The following DEPDC1B variants were observed in gnomAD, a reference collection of about 807,000 sequenced individuals.
DEPDC1B encodes DEP domain-containing protein 1B.
A neutral mutation model predicts 66.5 loss-of-function variants in DEPDC1B; 51 were observed. That is an observed-to-expected ratio of 0.77 (90% CI 0.61 to 0.97). The LOEUF (loss-of-function observed/expected upper bound fraction) is 0.97, where lower values mean the gene tolerates loss of function less well. Ranked by LOEUF, DEPDC1B falls within the 50% of genes least tolerant of loss-of-function variation. DEPDC1B has a pLI of 0.00. For synonymous variants in DEPDC1B, 226 were observed against 223.6 expected (o/e 1.01, Z -0.10); for missense variants, 552 against 637.1 (o/e 0.87, Z 1.44).
Position 60,597,903 on chromosome 5 carries a change from G to A in DEPDC1B, c.1440C>T (p.Ser480=). 6.3e-7 allele frequency: 1 copy of A among 1,593,490 alleles called. No homozygotes were observed. Among genetic ancestry groups the A allele is most frequent in the Non-Finnish European group, 8.5e-7 (1 of 1,175,038 alleles). Residue 480 remains serine, a synonymous_variant, in exon 11 of 11, where the codon TCC becomes TCT. Coordinates refer to ENST00000265036, the MANE Select transcript of DEPDC1B (RefSeq NM_018369.3). ...KKKKLKQFQK[S]YPEVYQERFP... ...ATCGTTCTTGATAGACTTCAGGATA[G>A]GATTTCTGAAACTAAAAAAATGAAT...
chr5:60,622,401 G>A (rs1752724836), intron 7 of DEPDC1B, among the ~76,000 whole-genome samples: 1 of 152,078 alleles, frequency 6.6e-6, no homozygotes, highest in South Asian at 2.1e-4. Flanking sequence ...TTTTATTGCT[G>A]GGTAATATTT....
At chr5:60,629,497 T>G (rs1412135011) in intron 7 of DEPDC1B, among the ~76,000 whole-genome samples, 2 of 152,204 alleles carry the variant, frequency 1.3e-5, no homozygotes, top group African/African-American at 4.8e-5. Context: ...TTCATCCAAC[T>G]CCACACTGAT....
intron 2 of DEPDC1B, among the ~76,000 whole-genome samples, chr5:60,669,978 G>A (rs1443708127): frequency 6.6e-6 from 1 of 152,076 alleles, no homozygotes; most frequent in Admixed American, 6.5e-5. Flanking sequence ...CACAATAAGT[G>A]GGGTGATTAT....
chr5:60,655,322 CAG>C (rs1291971514), intron 2 of DEPDC1B, among the ~76,000 whole-genome samples: 1 of 148,526 alleles, frequency 6.7e-6, no homozygotes, highest in African/African-American at 2.5e-5. Flanking sequence ...TTGGTCTGTT[CAG>C]AGTTTCTATT....
chr5:60,677,227 T>C (rs999925950), intron 2 of DEPDC1B, among the ~76,000 whole-genome samples: 1 of 152,026 alleles, frequency 6.6e-6, no homozygotes, highest in Non-Finnish European at 1.5e-5. Flanking sequence ...TTATTTGTTA[T>C]GGGTTATTTT....
At chr5:60,602,371 A>G (rs1215506783) in intron 9 of DEPDC1B, among the ~76,000 whole-genome samples, 1 of 152,214 alleles carries the variant, frequency 6.6e-6, no homozygotes, top group East Asian at 1.9e-4. Flanking sequence ...TAATTGCAAA[A>G]AAATAGAAAA....
At chr5:60,686,488 G>A (rs1420858732) in intron 2 of DEPDC1B, among the ~76,000 whole-genome samples, 1 of 152,142 alleles carries the variant, frequency 6.6e-6, no homozygotes, top group Non-Finnish European at 1.5e-5. Flanking sequence ...GCAGAAAAGT[G>A]GACTCACATT....
chr5:60,640,527 T>C (rs1383600069), intron 6 of DEPDC1B, among the ~76,000 whole-genome samples: 1 of 152,170 alleles, frequency 6.6e-6, no homozygotes, highest in Admixed American at 6.5e-5. Flanking sequence ...TCCTGACAGA[T>C]TCTGGAAAAG....
At chr5:60,667,836 TA>T (rs1367748659) in intron 2 of DEPDC1B, among the ~76,000 whole-genome samples, 8 of 114,178 alleles carry the variant, frequency 7.0e-5, no homozygotes, top group Non-Finnish European at 1.2e-4. Context: ...TACATATATG[TA>T]AAAAATGGAT....
intron 2 of DEPDC1B, among the ~76,000 whole-genome samples, chr5:60,649,941 G>T (rs1241375666): frequency 1.3e-5 from 2 of 152,012 alleles, no homozygotes; most frequent in Middle Eastern, 3.2e-3. Flanking sequence ...GCCACTGTGC[G>T]CAGCTTGGTG....
intron 2 of DEPDC1B, among the ~76,000 whole-genome samples, chr5:60,650,421 C>A (rs1311826529): frequency 6.6e-6 from 1 of 152,158 alleles, no homozygotes; most frequent in Non-Finnish European, 1.5e-5. Flanking sequence ...GTCCTGTGCA[C>A]TGGGGGATGC....
chr5:60,619,728 A>C (rs201304393), intron 7 of DEPDC1B, among the ~76,000 whole-genome samples: 52,079 of 151,972 alleles, frequency 0.34, 10,497 homozygotes, highest in East Asian at 0.57. Flanking sequence ...GGTAATTTAT[A>C]GATTCAATGC....
In DEPDC1B at chr5:60,653,765, T is replaced by C. The variant is rs185080704; in HGVS notation, c.315-6232A>G. Among the ~76,000 whole-genome samples the C allele has an allele frequency of 2.9e-4, 43 of 150,354 alleles. 6 individuals carry two copies. The highest frequency in any genetic ancestry group is 3.4e-3 in the Middle Eastern group (1 of 292). The stretch of plus-strand genomic sequence containing the variant: ...CTTATATTTAAGTCTTTAATCCATC[T>C]TGAGTTGATTTTTGCATAAGGTGAG... On this transcript the variant is annotated intron_variant, in intron 2 of 10. Coordinates refer to ENST00000265036, the MANE Select transcript of DEPDC1B (RefSeq NM_018369.3).
chr5:60,645,547 T>C lies in DEPDC1B; in HGVS notation c.523A>G (p.Arg175Gly), dbSNP rs753458906. 5.0e-6 allele frequency: 8 copies of C among 1,613,404 alleles called. No homozygotes were observed. In the East Asian group the frequency reaches 1.8e-4, roughly 36 times the overall value. Residue 175 changes from arginine (R) to glycine (G), a missense_variant, in exon 4 of 11, where the codon AGA becomes GGA. Physicochemically the swap from Arg to Gly is moderately radical, Grantham distance 125 (BLOSUM62 -2). Transcript: ENST00000265036. ...EVPACRLVHRRQLTEANVEEI... is the reference protein window; with the variant it reads ...EVPACRLVHRGQLTEANVEEI... The stretch of plus-strand genomic sequence containing the variant: ...TCTACATTGGCCTCTGTCAGCTGTC[T>C]GCGGTGGACAAGACGGCAAGCTGGC...
Position 60,700,131 on chromosome 5 carries a change from T to C in DEPDC1B, c.-38A>G, listed in dbSNP as rs1315658490. The stretch of plus-strand genomic sequence containing the variant: ...GCAGCGGCCGCAGCCGCGCCAGCGC[T>C]GATCCCCGCCAGCCGGAGGAGCAGC... On this transcript the variant is annotated 5_prime_UTR_variant, in exon 1 of 11. Coordinates refer to ENST00000265036, the MANE Select transcript of DEPDC1B (RefSeq NM_018369.3). The C allele has an allele frequency of 5.9e-6, 9 of 1,533,318 alleles. No homozygotes were observed. Among genetic ancestry groups the C allele is most frequent in the Non-Finnish European group, 7.9e-6 (9 of 1,143,052 alleles). 95.0% of individuals were successfully genotyped at this position (1,533,318 alleles called of 1,614,324 possible). A position where few individuals can be genotyped will look rare whatever the true frequency, so the allele number is the denominator to read the frequency against.
intron 1 of DEPDC1B, among the ~76,000 whole-genome samples, chr5:60,694,222 A>G (rs1194546781): frequency 6.6e-6 from 1 of 152,176 alleles, no homozygotes; most frequent in Non-Finnish European, 1.5e-5. Flanking sequence ...ATTTTAAAAA[A>G]TGAGATCAAT....
chr5:60,644,664 G>T, intron 5 of DEPDC1B, 81 bp downstream of exon 5: 2 of 1,200,350 alleles, frequency 1.7e-6, no homozygotes, highest in East Asian at 2.6e-5. Context: ...AGGGTTTAGG[G>T]AAGGGTCAGA....
chr5:60,597,820 T>G lies in DEPDC1B; in HGVS notation c.1523A>C (p.Gln508Pro). 6.2e-7 allele frequency: 1 copy of G among 1,613,572 alleles called. No homozygotes were observed. The highest frequency in any genetic ancestry group is 8.5e-7 in the Non-Finnish European group (1 of 1,179,692). Residue 508 changes from glutamine to proline, a missense_variant, in exon 11 of 11, where the codon CAG becomes CCG. By Grantham distance (76) the Gln-to-Pro change is moderately conservative. Coordinates refer to ENST00000265036, the MANE Select transcript of DEPDC1B (RefSeq NM_018369.3). ...LFPEKPKPKP[Q>P]LLMWALKKPF... ...CTTCTTTAGTGCCCACATTAGCAGC[T>G]GTGGTTTCGGTTTGGGTTTTTCAGG...
chr5:60,687,023 T>C lies in DEPDC1B; in HGVS notation c.253A>G (p.Ile85Val). 1 of 1,614,242 alleles carries C rather than the reference T, an allele frequency of 6.2e-7. No homozygotes were observed. The highest frequency in any genetic ancestry group is 8.5e-7 in the Non-Finnish European group (1 of 1,180,042). ...CCCCATTTTCCCTTGATGTCTTCAATAACGTGATTCTTCAGGAATTTTTTT... is the reference window on the plus strand; with the variant it reads ...CCCCATTTTCCCTTGATGTCTTCAACAACGTGATTCTTCAGGAATTTTTTT... ...LLKKFLKNHV[I>V]EDIKGKWGEE... The change falls in exon 2 of 11, where the codon ATT becomes GTT. Residue 85 changes from isoleucine to valine, a missense_variant. By Grantham distance (29) the Ile-to-Val change is conservative (BLOSUM62 3). Transcript: ENST00000265036.
Sources: gnomAD v4.1 joint callset for allele counts (sites outside exome capture counted in the v4.1 genomes callset) on GRCh38, gnomAD v4.1.1 for gene constraint, MANE v1.5 for transcripts, NCBI Gene and HGNC (gene_info 2026-07-23, HGNC 2026-07-21) for gene names.